The following SUOX variants were observed in gnomAD, a reference collection of about 807,000 sequenced individuals.
SUOX encodes sulfite oxidase, mitochondrial.
A neutral mutation model predicts 41.9 loss-of-function variants in SUOX; 39 were observed. The observed-to-expected ratio is 0.93, with a 90% CI of 0.72 to 1.21. SUOX has a LOEUF of 1.21. SUOX is among the 50% of genes most tolerant of loss of function. The pLI is 0.00. For missense variants in SUOX, 633 were observed against 689.5 expected (o/e 0.92, Z 0.92); for synonymous variants, 220 against 268.4 (o/e 0.82, Z 1.76).
chr12:56,002,064 T>C lies in SUOX; in HGVS notation c.-10-148T>C, dbSNP rs1592825684. On this transcript the variant is annotated intron_variant, in intron 2 of 4. Transcript: ENST00000266971. Reference sequence around the variant, plus strand: ...GCTCCAAGTTTTCTCTAAGGGCCCATTTGGACTCCCACTCTCAAGACTCCT... The same window carrying C: ...GCTCCAAGTTTTCTCTAAGGGCCCACTTGGACTCCCACTCTCAAGACTCCT... 2.0e-6 allele frequency: 3 copies of C among 1,474,300 alleles called. No individual in the cohort carries two copies. The East Asian group carries it at 7.4e-5, about 37-fold the overall frequency. The allele number at this position is 1,474,300 out of a possible 1,614,324, so 91.3% of individuals were successfully genotyped here.
chr12:55,999,966 G>C (rs2136506038), intron 2 of SUOX, among the ~76,000 whole-genome samples: 1 of 152,192 alleles, frequency 6.6e-6, no homozygotes, highest in African/African-American at 2.4e-5. Flanking sequence ...AGTGTTGATT[G>C]GTGCATTCAC....
chr12:56,003,913 C>G lies in SUOX; in HGVS notation c.524C>G (p.Pro175Arg). The G allele has an allele frequency of 2.5e-6, 4 of 1,614,114 alleles. No homozygotes were observed. Among genetic ancestry groups the G allele is most frequent in the Non-Finnish European group, 3.4e-6 (4 of 1,180,030 alleles). Residue 175 changes from proline (P) to arginine (R), a missense_variant, in exon 5 of 5, where the codon CCT becomes CGT. Physicochemically the swap from Pro to Arg is moderately radical, Grantham distance 103. Transcript: ENST00000266971. The part of the protein sequence containing the change: ...KVAPTVETSD[P>R]YADDPVRHPA... ...GCCCCCACCGTGGAGACCTCTGACC[C>G]TTATGCTGATGATCCTGTACGTCAC...
In SUOX at chr12:56,005,161, C is replaced by T. The variant is rs1890699811; in HGVS notation, c.*134C>T. ...GCCATACCCAAGTACACATATAGCA[C>T]ATTTCACCCAAGGACCTTCCCTCTT... On this transcript the variant is annotated 3_prime_UTR_variant, in exon 5 of 5. Coordinates refer to ENST00000266971, the MANE Select transcript of SUOX (RefSeq NM_001032386.2). The T allele has an allele frequency of 1.0e-6, 1 of 991,528 alleles. No homozygotes were observed. The highest frequency in any genetic ancestry group is 1.5e-6 in the Non-Finnish European group (1 of 647,994). 61.4% of individuals were successfully genotyped at this position (991,528 alleles called of 1,614,324 possible). A position where few individuals can be genotyped will look rare whatever the true frequency, so the allele number is the denominator to read the frequency against.
chr12:56,004,922 G>A lies in SUOX; in HGVS notation c.1533G>A (p.Val511=), dbSNP rs1351864011. 6.2e-7 allele frequency: 1 copy of A among 1,614,198 alleles called. No individual in the cohort carries two copies. The highest frequency in any genetic ancestry group is 2.2e-5 in the East Asian group (1 of 44,886). The change falls in exon 5 of 5, where the codon GTG becomes GTA. Residue 511 remains valine, a synonymous_variant. Transcript: ENST00000266971. The surrounding 1 kb of genome is among the most constrained non-coding windows in gnomAD (Gnocchi z 4.5). The stretch of plus-strand genomic sequence containing the variant: ...AACTGAACATTGTTTGTAAGGCTGT[G>A]GATGATGGTTACAATGTGCAGCCAG... ...QKELNIVCKA[V]DDGYNVQPDT...
chr12:56,004,736 A>T lies in SUOX; in HGVS notation c.1347A>T (p.Ala449=), dbSNP rs1202453921. Residue 449 remains alanine, a synonymous_variant, in exon 5 of 5, where the codon GCA becomes GCT. Coordinates refer to ENST00000266971, the MANE Select transcript of SUOX (RefSeq NM_001032386.2). This position sits in a 1 kb window ranked among gnomAD's most constrained non-coding sequence, Gnocchi z 4.5. ...GGGAGGTGACCATCAAGGGCTATGC[A>T]TGGAGTGGTGGTGGCAGGGCTGTGA... ...ESGEVTIKGY[A]WSGGGRAVIR... 1 of 1,614,128 alleles carries T rather than the reference A, an allele frequency of 6.2e-7. No individual in the cohort carries two copies. The highest frequency in any genetic ancestry group is 1.1e-5 in the South Asian group (1 of 91,090).
chr12:56,005,345 C>A lies in SUOX; in HGVS notation c.*318C>A, dbSNP rs180955747. ...TTTCTAATGCCTACTGCCATCAAGG[C>A]CTTGTTTTGCTTTTCTTTTTGGATT... On this transcript the variant is annotated 3_prime_UTR_variant, in exon 5 of 5. Transcript: ENST00000266971. The A allele has an allele frequency of 8.7e-5, 51 of 586,612 alleles. No individual in the cohort carries two copies. The East Asian group carries it at 1.1e-3, about 12-fold the overall frequency. 36.3% of individuals were successfully genotyped at this position (586,612 alleles called of 1,614,324 possible).
chr12:56,000,053 C>G (rs1890455576), intron 2 of SUOX, among the ~76,000 whole-genome samples: 1 of 152,194 alleles, frequency 6.6e-6, no homozygotes. Flanking sequence ...CTCCACCTCC[C>G]CACCAGACTC....
rs776113140 is a variant in SUOX, at chr12:56,005,238, G to A, written c.*211G>A. ...GGCCTTTGAACCTGTGCCAGGAAGT[G>A]TGAGCTGTTACAGCAAGGGGCTAGA... On this transcript the variant is annotated 3_prime_UTR_variant, in exon 5 of 5. Coordinates refer to ENST00000266971, the MANE Select transcript of SUOX (RefSeq NM_001032386.2). 3.2e-6 allele frequency: 2 copies of A among 625,810 alleles called. No individual in the cohort carries two copies. Among genetic ancestry groups the A allele is most frequent in the Non-Finnish European group, 5.6e-6 (2 of 354,324 alleles). 38.8% of individuals were successfully genotyped at this position (625,810 alleles called of 1,614,324 possible). A position where few individuals can be genotyped will look rare whatever the true frequency, so the allele number is the denominator to read the frequency against.
intron 2 of SUOX, chr12:55,999,325 T>C: frequency 6.5e-6 from 1 of 153,082 alleles, no homozygotes; most frequent in Non-Finnish European, 1.5e-5. Context: ...TAACTTTTTA[T>C]TTTGTAGGGA....
intron 4 of SUOX, chr12:56,003,154 A>C: frequency 3.8e-6 from 1 of 266,272 alleles, no homozygotes; most frequent in East Asian, 9.6e-5. Flanking sequence ...GTCTTCATGC[A>C]CAGTGGAGAT....
At position 56,004,942 on chromosome 12, in the gene SUOX, A is replaced by G. The variant is rs776582938; in HGVS notation, c.1553A>G (p.Gln518Arg). 6.2e-7 allele frequency: 1 copy of G among 1,614,222 alleles called. No homozygotes were observed. Among genetic ancestry groups the G allele is most frequent in the South Asian group, 1.1e-5 (1 of 91,082 alleles). Reference sequence around the variant, plus strand: ...GCTGTGGATGATGGTTACAATGTGCAGCCAGACACCGTGGCCCCAATCTGG... The same window carrying G: ...GCTGTGGATGATGGTTACAATGTGCGGCCAGACACCGTGGCCCCAATCTGG... ...CKAVDDGYNV[Q>R]PDTVAPIWNL... Residue 518 changes from glutamine (Q) to arginine (R), a missense_variant, in exon 5 of 5, where the codon CAG (glutamine) becomes CGG (arginine). Transcript: ENST00000266971. This position sits in a 1 kb window ranked among gnomAD's most constrained non-coding sequence, Gnocchi z 4.5.
Position 56,004,719 on chromosome 12 carries a change from A to G in SUOX, c.1330A>G (p.Thr444Ala), listed in dbSNP as rs1437066540. The G allele has an allele frequency of 6.2e-7, 1 of 1,614,098 alleles. No individual in the cohort carries two copies. Among genetic ancestry groups the G allele is most frequent in the South Asian group, 1.1e-5 (1 of 91,072 alleles). The change falls in exon 5 of 5, where the codon ACC (threonine) becomes GCC (alanine). Residue 444 changes from threonine (T) to alanine (A), a missense_variant. Transcript: ENST00000266971. The surrounding 1 kb of genome is among the most constrained non-coding windows in gnomAD (Gnocchi z 4.5). ...DGETVESGEV[T>A]IKGYAWSGGG... is the part of the protein sequence containing the mutation. The stretch of plus-strand genomic sequence containing the variant: ...AGAGACTGTAGAATCAGGGGAGGTG[A>G]CCATCAAGGGCTATGCATGGAGTGG...
chr12:56,002,945 T>G, intron 4 of SUOX: 1 of 499,612 alleles, frequency 2.0e-6, no homozygotes, highest in Non-Finnish European at 3.6e-6. Flanking sequence ...AAGAATCACT[T>G]AAACCCAGGA....
At position 56,005,203 on chromosome 12, in the gene SUOX, T is replaced by C. The variant is rs146176556; in HGVS notation, c.*176T>C. 3.6e-5 allele frequency: 26 copies of C among 716,128 alleles called. No homozygotes were observed. Among genetic ancestry groups the C allele is most frequent in the Middle Eastern group, 7.7e-4 (2 of 2,614 alleles). The allele number at this position is 716,128 out of a possible 1,614,324, so 44.4% of individuals were successfully genotyped here. A position where few individuals can be genotyped will look rare whatever the true frequency, so the allele number is the denominator to read the frequency against. On this transcript the variant is annotated 3_prime_UTR_variant, in exon 5 of 5. Transcript: ENST00000266971. Reference sequence around the variant, plus strand: ...TTCCCTCTTTGGACACTATGTTACATACCCCTCTTGGCCTTTGAACCTGTG... The same window carrying C: ...TTCCCTCTTTGGACACTATGTTACACACCCCTCTTGGCCTTTGAACCTGTG...
Position 56,004,536 on chromosome 12 carries a change from AG to A in SUOX, c.1148del (p.Arg383LysfsTer2). On this transcript the variant is annotated frameshift_variant, in exon 5 of 5. Transcript: ENST00000266971. LOFTEE classifies it high-confidence loss of function. The surrounding 1 kb of genome is among the most constrained non-coding windows in gnomAD (Gnocchi z 4.5). ...TGCCCGCCATGTCAAATGGCTGGGC[AG>A]AGTGAGTGTGCAGCCAGAGGAAAGT... ...VGARHVKWLG[R>X]VSVQPEESYS... The A allele has an allele frequency of 6.2e-7, 1 of 1,614,172 alleles. No homozygotes were observed. The highest frequency in any genetic ancestry group is 8.5e-7 in the Non-Finnish European group (1 of 1,180,040).
intron 4 of SUOX, chr12:56,002,999 C>T: frequency 3.0e-6 from 1 of 332,062 alleles, no homozygotes; most frequent in South Asian, 3.5e-5. Context: ...GGCCACTGCT[C>T]TCCAGCCTGG....
chr12:56,004,205 G>C lies in SUOX; in HGVS notation c.816G>C (p.Met272Ile). The C allele has an allele frequency of 6.2e-7, 1 of 1,614,160 alleles. No homozygotes were observed. The highest frequency in any genetic ancestry group is 8.5e-7 in the Non-Finnish European group (1 of 1,180,042). Residue 272 changes from methionine to isoleucine, a missense_variant, in exon 5 of 5, where the codon ATG becomes ATC. Met to Ile is a conservative substitution (Grantham distance 10). Transcript: ENST00000266971. This position sits in a 1 kb window ranked among gnomAD's most constrained non-coding sequence, Gnocchi z 4.5. ...GTGCCGGCAACCGACGCTCTGAGAT[G>C]ACTCAGGTCAAAGAAGTAAAAGGTC... ...LQCAGNRRSEMTQVKEVKGLE... is the reference protein window; with the variant it reads ...LQCAGNRRSEITQVKEVKGLE...
chr12:56,003,567 T>C, intron 4 of SUOX, 51 bp from the exon 5 acceptor site: 1 of 1,583,594 alleles, frequency 6.3e-7, no homozygotes, highest in South Asian at 1.1e-5. Context: ...GACCAAGTGA[T>C]TTCTTCTTAA....
chr12:56,000,242 G>C (rs972070124), intron 2 of SUOX, among the ~76,000 whole-genome samples: 1 of 152,230 alleles, frequency 6.6e-6, no homozygotes, highest in Non-Finnish European at 1.5e-5. Flanking sequence ...AGCCCACGGC[G>C]AAGGGGGGCT....
Sources: allele counts gnomAD v4.1 joint callset (sites outside exome capture counted in the v4.1 genomes callset), GRCh38; gene constraint gnomAD v4.1.1; non-coding constraint Gnocchi (gnomAD v3.1); transcripts MANE v1.5; gene names NCBI Gene and HGNC (gene_info 2026-07-23, HGNC 2026-07-21).